The following MBNL1 variants were observed in gnomAD, a reference collection of about 807,000 sequenced individuals.
MBNL1 encodes the protein muscleblind-like protein 1.
Under a neutral mutation model 42.2 loss-of-function variants are expected in MBNL1, and 8 were observed. The observed-to-expected ratio is 0.19, with a 90% CI of 0.11 to 0.34. The LOEUF is 0.34. Ranked by LOEUF, MBNL1 falls within the 10% of genes least tolerant of loss-of-function variation. The pLI is 1.00. For missense variants in MBNL1, 309 were observed against 495.3 expected (o/e 0.62, Z 3.57); for synonymous variants, 169 against 173.9 (o/e 0.97, Z 0.22).
intron 2 of MBNL1, among the ~76,000 whole-genome samples, chr3:152,402,754 T>C (rs1488654672): frequency 4.6e-5 from 7 of 152,216 alleles, no homozygotes; most frequent in Non-Finnish European, 7.3e-5. Flanking sequence ...TGTCAGTTTA[T>C]GGACCCTGAA....
At chr3:152,310,792 G>A (rs778922528) in intron 2 of MBNL1, among the ~76,000 whole-genome samples, 49 of 151,858 alleles carry the variant, frequency 3.2e-4, no homozygotes, top group Admixed American at 3.1e-3. Flanking sequence ...AGGATGAACA[G>A]TATAGCAAAT....
intron 6 of MBNL1, among the ~76,000 whole-genome samples, chr3:152,450,358 T>C (rs1283895604): frequency 6.6e-6 from 1 of 152,150 alleles, no homozygotes; most frequent in Non-Finnish European, 1.5e-5. Context: ...TTCACAAAAA[T>C]TGACGCTGTG....
intron 2 of MBNL1, among the ~76,000 whole-genome samples, chr3:152,366,116 T>C (rs1187879967): frequency 1.3e-5 from 2 of 152,072 alleles, no homozygotes; most frequent in Non-Finnish European, 2.9e-5. Context: ...ACTGCAAAAT[T>C]AAAATCAGAA....
At chr3:152,414,144 C>G (rs1243025072) in intron 2 of MBNL1, among the ~76,000 whole-genome samples, 1 of 152,194 alleles carries the variant, frequency 6.6e-6, no homozygotes. Context: ...AAGGAAGGTA[C>G]TAGAATGAAG....
At chr3:152,414,306 A>T (rs1172718664) in intron 2 of MBNL1, among the ~76,000 whole-genome samples, 1 of 152,222 alleles carries the variant, frequency 6.6e-6, no homozygotes, top group East Asian at 1.9e-4. Flanking sequence ...TTTATCTTTG[A>T]AAAGTTAAAG....
At chr3:152,317,190 A>G (rs2072397115) in intron 2 of MBNL1, among the ~76,000 whole-genome samples, 1 of 152,168 alleles carries the variant, frequency 6.6e-6, no homozygotes, top group Non-Finnish European at 1.5e-5. Context: ...TATTAATGAC[A>G]AATCAGCCAG....
At chr3:152,442,424 A>G (rs1339617074) in intron 4 of MBNL1, among the ~76,000 whole-genome samples, 1 of 152,240 alleles carries the variant, frequency 6.6e-6, no homozygotes, top group Non-Finnish European at 1.5e-5. Context: ...AAATGTGTGC[A>G]TACATACAGA....
intron 2 of MBNL1, among the ~76,000 whole-genome samples, chr3:152,322,511 AATT>A (rs1208400745): frequency 1.3e-5 from 2 of 152,074 alleles, no homozygotes; most frequent in Non-Finnish European, 2.9e-5. Context: ...ATTTAACTTG[AATT>A]ATTCTAATTA....
rs77196933 is a variant in MBNL1 at position 152,383,674 on chromosome 3, C to T, written c.175-31267C>T. Among the ~76,000 whole-genome samples the T allele has an allele frequency of 1.1e-4, 17 of 152,058 alleles. No homozygotes were observed. The East Asian group carries it at 3.1e-3, about 28-fold the overall frequency. ...TTGTAGAATCATCTGGGCAGCTGTG[C>T]GTTGTATTCATGCTGAGGTGATAGA... On this transcript the variant is annotated intron_variant, in intron 2 of 9. Coordinates refer to ENST00000324210, the MANE Select transcript of MBNL1 (RefSeq NM_021038.5).
intron 1 of MBNL1, among the ~76,000 whole-genome samples, chr3:152,286,558 AT>A (rs906305866): frequency 1.4e-5 from 2 of 144,670 alleles, no homozygotes; most frequent in African/African-American, 5.0e-5. Flanking sequence ...ATAAATATTT[AT>A]ATTTTATTTA....
At chr3:152,294,033 C>T (rs114469466) in intron 1 of MBNL1, among the ~76,000 whole-genome samples, 109 of 151,534 alleles carry the variant, frequency 7.2e-4, no homozygotes, top group Non-Finnish European at 1.2e-3. Flanking sequence ...ATCCTTTTCT[C>T]GGTTTTTATT....
At chr3:152,395,535 T>C (rs1328478633) in intron 2 of MBNL1, among the ~76,000 whole-genome samples, 1 of 152,202 alleles carries the variant, frequency 6.6e-6, no homozygotes, top group South Asian at 2.1e-4. Context: ...TTAGGTCCTA[T>C]ATAACCAGAC....
intron 1 of MBNL1, among the ~76,000 whole-genome samples, chr3:152,292,892 C>T (rs563218369): frequency 1.3e-5 from 2 of 151,942 alleles, no homozygotes; most frequent in East Asian, 3.9e-4. Flanking sequence ...CCTCAGCCTC[C>T]TGAGTAATTG....
chr3:152,305,721 T>C (rs981607278), intron 2 of MBNL1, among the ~76,000 whole-genome samples: 5 of 152,214 alleles, frequency 3.3e-5, no homozygotes, highest in African/African-American at 1.2e-4. Context: ...TGAAGTATAA[T>C]AGATTATTAG....
At chr3:152,283,905 T>C (rs1270751684) in intron 1 of MBNL1, among the ~76,000 whole-genome samples, 3 of 152,226 alleles carry the variant, frequency 2.0e-5, no homozygotes, top group Non-Finnish European at 4.4e-5. Context: ...TCTTATCCCT[T>C]TTGAAACTAA....
At chr3:152,372,594 C>A (rs984591510) in intron 2 of MBNL1, among the ~76,000 whole-genome samples, 1 of 152,196 alleles carries the variant, frequency 6.6e-6, no homozygotes, top group Non-Finnish European at 1.5e-5. Flanking sequence ...GAGGTCCACT[C>A]CAGACCCTGT....
At chr3:152,276,804 G>C (rs1199626882) in intron 1 of MBNL1, among the ~76,000 whole-genome samples, 1 of 152,112 alleles carries the variant, frequency 6.6e-6, no homozygotes, top group Non-Finnish European at 1.5e-5. Flanking sequence ...CCTTACAGGA[G>C]TTGTGTTTTG....
At chr3:152,436,625 A>G (rs1028276341) in intron 4 of MBNL1, among the ~76,000 whole-genome samples, 2 of 152,190 alleles carry the variant, frequency 1.3e-5, no homozygotes, top group African/African-American at 4.8e-5. Context: ...TAATGAATTA[A>G]TTATTAATAG....
At chr3:152,396,555 A>G (rs1460209290) in intron 2 of MBNL1, among the ~76,000 whole-genome samples, 1 of 152,118 alleles carries the variant, frequency 6.6e-6, no homozygotes, top group Non-Finnish European at 1.5e-5. Flanking sequence ...AGGTTAATTG[A>G]ATCTGCTTTG....
Sources: gnomAD v4.1 joint callset for allele counts (sites outside exome capture counted in the v4.1 genomes callset) on GRCh38, gnomAD v4.1.1 for gene constraint, MANE v1.5 for transcripts, NCBI Gene and HGNC (gene_info 2026-07-23, HGNC 2026-07-21) for gene names.